ADGRL3: variants seen among roughly 807,000 people sequenced by gnomAD.
The protein encoded by ADGRL3 is adhesion G protein-coupled receptor L3.
Under a neutral mutation model 153.5 loss-of-function variants are expected in ADGRL3, and 62 were observed. The ratio of observed to expected loss-of-function variants is 0.40; its 90% CI spans 0.33 to 0.50. The LOEUF (loss-of-function observed/expected upper bound fraction) is 0.50. ADGRL3 is among the 20% of genes least tolerant of loss of function. The pLI is 0.47. For synonymous variants in ADGRL3, 710 were observed against 672.5 expected, an observed-to-expected ratio of 1.06 and a Z score of -0.86; for missense variants, 1,641 against 1,859.4, an observed-to-expected ratio of 0.88 and a Z score of 2.16.
At chr4:61,861,640 T>G (rs1362185677) in intron 9 of ADGRL3, among the ~76,000 whole-genome samples, 2 of 151,982 alleles carry the variant, frequency 1.3e-5, no homozygotes. Flanking sequence ...AAATGAATTC[T>G]TGTCATGAGC....
At chr4:62,048,180 C>T (rs1367949526) in intron 25 of ADGRL3, among the ~76,000 whole-genome samples, 1 of 152,104 alleles carries the variant, frequency 6.6e-6, no homozygotes, top group Non-Finnish European at 1.5e-5. Context: ...GTCTTTGCCA[C>T]CCATATCTCC....
At position 61,469,685 on chromosome 4, in the gene ADGRL3, T is replaced by C. The variant is rs541109591; in HGVS notation, c.-173-27436T>C. Among the ~76,000 whole-genome samples, 8 of 152,128 alleles carry C rather than the reference T, an allele frequency of 5.3e-5. No homozygotes were observed. In the South Asian group the frequency reaches 1.7e-3, roughly 31 times the overall value. ...AAATAAATTTGGCCATATGAATCTT[T>C]TAAGGTCTAAATGTTCCCTATTTTC... On this transcript the variant is annotated intron_variant, in intron 2 of 26. Transcript: ENST00000683033.
At chr4:61,408,217 A>G (rs935071050) in intron 2 of ADGRL3, among the ~76,000 whole-genome samples, 5 of 152,110 alleles carry the variant, frequency 3.3e-5, no homozygotes, top group Admixed American at 2.6e-4. Context: ...AAAATTGACT[A>G]TTTAAACTCT....
chr4:61,979,971 G>A (rs1309037663), intron 18 of ADGRL3, among the ~76,000 whole-genome samples, 199 bp downstream of exon 18: 2 of 152,194 alleles, frequency 1.3e-5, no homozygotes, highest in East Asian at 1.9e-4. Flanking sequence ...TGAATAAGGT[G>A]TATATTTCAT....
chr4:61,311,311 T>C (rs2094995321), intron 1 of ADGRL3, among the ~76,000 whole-genome samples: 1 of 152,190 alleles, frequency 6.6e-6, no homozygotes, highest in African/African-American at 2.4e-5. Context: ...CTGGAATATA[T>C]GGCTTCTACA....
chr4:61,235,292 A>G (rs1189417681), intron 1 of ADGRL3, among the ~76,000 whole-genome samples: 1 of 152,090 alleles, frequency 6.6e-6, no homozygotes, highest in African/African-American at 2.4e-5. Context: ...TGTATTTGTG[A>G]TAATTAAGAA....
intron 8 of ADGRL3, among the ~76,000 whole-genome samples, chr4:61,797,149 C>G (rs948466116): frequency 3.3e-5 from 5 of 152,090 alleles, no homozygotes; most frequent in Non-Finnish European, 2.9e-5. Flanking sequence ...AGAGACTTTC[C>G]TTCTTTCAGT....
chr4:61,707,609 G>A (rs148057917), intron 6 of ADGRL3, among the ~76,000 whole-genome samples: 76 of 151,988 alleles, frequency 5.0e-4, no homozygotes, highest in African/African-American at 1.8e-3. Context: ...TTGCTCAAAC[G>A]TGAACATTTT....
At chr4:61,362,715 C>A (rs2096307471) in intron 1 of ADGRL3, among the ~76,000 whole-genome samples, 1 of 152,064 alleles carries the variant, frequency 6.6e-6, no homozygotes, top group Non-Finnish European at 1.5e-5. Context: ...AAGAGTAGGG[C>A]TGTTCTTACT....
At chr4:61,695,419 AAG>A (rs2095623073) in intron 6 of ADGRL3, among the ~76,000 whole-genome samples, 2 of 152,134 alleles carry the variant, frequency 1.3e-5, no homozygotes. Context: ...AATATTTTGA[AAG>A]TAATCTCTTT....
chr4:61,252,656 C>T (rs1358120059), intron 1 of ADGRL3, among the ~76,000 whole-genome samples: 2 of 148,858 alleles, frequency 1.3e-5, no homozygotes, highest in Admixed American at 6.7e-5. Flanking sequence ...TATTTTAGAT[C>T]GTTTCTGATT....
chr4:61,613,109 A>G (rs570183521), intron 5 of ADGRL3, among the ~76,000 whole-genome samples: 9 of 152,160 alleles, frequency 5.9e-5, no homozygotes, highest in South Asian at 2.1e-4. Context: ...GTGCCTTACC[A>G]TGGCCTTCAA....
chr4:61,777,044 G>A (rs1478863246), intron 8 of ADGRL3, among the ~76,000 whole-genome samples: 1 of 152,006 alleles, frequency 6.6e-6, no homozygotes, highest in African/African-American at 2.4e-5. Context: ...GTTTATATTT[G>A]AAAATTTCTG....
At chr4:61,754,854 G>T (rs1217681040) in intron 8 of ADGRL3, among the ~76,000 whole-genome samples, 1 of 151,982 alleles carries the variant, frequency 6.6e-6, no homozygotes, top group East Asian at 1.9e-4. Context: ...CCACCTATGA[G>T]TGAGAATATG....
chr4:61,921,472 A>G (rs186553433), intron 13 of ADGRL3, among the ~76,000 whole-genome samples: 186 of 152,216 alleles, frequency 1.2e-3, no homozygotes, highest in African/African-American at 4.3e-3. Flanking sequence ...AGGCTGGAGT[A>G]CAGTGGCGTG....
intron 9 of ADGRL3, among the ~76,000 whole-genome samples, chr4:61,878,012 G>A (rs1426452714): frequency 6.6e-6 from 1 of 151,990 alleles, no homozygotes; most frequent in Non-Finnish European, 1.5e-5. Flanking sequence ...TTCACCTTCC[G>A]CCATGATTGT....
At chr4:61,796,719 C>T (rs1001240420) in intron 8 of ADGRL3, among the ~76,000 whole-genome samples, 1 of 151,360 alleles carries the variant, frequency 6.6e-6, no homozygotes, top group Non-Finnish European at 1.5e-5. Flanking sequence ...TATTTGCTGT[C>T]GTTATAATTT....
At chr4:61,751,551 A>G (rs2096756657) in intron 8 of ADGRL3, among the ~76,000 whole-genome samples, 1 of 152,164 alleles carries the variant, frequency 6.6e-6, no homozygotes. Context: ...AATGCAGACA[A>G]GCATACAGAA....
chr4:62,030,603 G>A (rs930815849), intron 22 of ADGRL3, among the ~76,000 whole-genome samples: 4 of 151,542 alleles, frequency 2.6e-5, no homozygotes, highest in Non-Finnish European at 5.9e-5. Context: ...CTAAGAGAAT[G>A]GAGTGGGAGT....
Sources: allele counts gnomAD v4.1 joint callset (sites outside exome capture counted in the v4.1 genomes callset), GRCh38; gene constraint gnomAD v4.1.1; transcripts MANE v1.5; gene names NCBI Gene and HGNC (gene_info 2026-07-23, HGNC 2026-07-21).